MCM6: variants seen among roughly 807,000 people sequenced by gnomAD.
MCM6 encodes DNA replication licensing factor MCM6.
In MCM6, 46 loss-of-function variants were observed where a neutral mutation model predicts 94.3. The ratio of observed to expected loss-of-function variants is 0.49; its 90% CI spans 0.39 to 0.62. MCM6 has a LOEUF of 0.62. MCM6 is among the 20% of genes least tolerant of loss of function. The pLI, the probability that MCM6 is intolerant of heterozygous loss-of-function variation, is 0.00. For synonymous variants in MCM6, 335 were observed against 351.9 expected (o/e 0.95, Z 0.54); for missense variants, 865 against 1,017.9 (o/e 0.85, Z 2.04).
At position 135,862,381 on chromosome 2, in the gene MCM6, T is replaced by C. The variant is rs538174355; in HGVS notation, c.1220+226A>G. Among the ~76,000 whole-genome samples, 4 of 151,882 alleles carry C rather than the reference T, an allele frequency of 2.6e-5. No homozygotes were observed. In the East Asian group the frequency reaches 7.7e-4, roughly 29 times the overall value. On this transcript the variant is annotated intron_variant, in intron 8 of 16. Coordinates refer to ENST00000264156, the MANE Select transcript of MCM6 (RefSeq NM_005915.6). ...ACAAATATATTTTACAAAGATATTATACAAAGACTAAACAGTTCAATGTGA... is the reference window on the plus strand; with the variant it reads ...ACAAATATATTTTACAAAGATATTACACAAAGACTAAACAGTTCAATGTGA...
At chr2:135,845,619 C>T (rs1399992327) in intron 15 of MCM6, among the ~76,000 whole-genome samples, 1 of 152,184 alleles carries the variant, frequency 6.6e-6, no homozygotes, top group Non-Finnish European at 1.5e-5. Flanking sequence ...GGCTTTTAAT[C>T]AAGAATTATC....
intron 11 of MCM6, among the ~76,000 whole-genome samples, chr2:135,855,138 AGAGT>A (rs1679848921): frequency 6.6e-6 from 1 of 152,232 alleles, no homozygotes; most frequent in African/African-American, 2.4e-5. Context: ...TCTGGGCAAC[AGAGT>A]GAGACTCCGT....
chr2:135,865,365 A>G (rs1680072312), intron 6 of MCM6, among the ~76,000 whole-genome samples: 1 of 152,246 alleles, frequency 6.6e-6, no homozygotes, highest in African/African-American at 2.4e-5. Context: ...TCATTTGTCC[A>G]GTGAGTTAAA....
chr2:135,851,538 A>G lies in MCM6; in HGVS notation c.1781T>C (p.Ile594Thr). Reference sequence around the variant, plus strand: ...GCGGAGATGTTTATATTGCTCCACAATGAAGTCCTCTGACTCTTTGGAAAT... The same window carrying G: ...GCGGAGATGTTTATATTGCTCCACAGTGAAGTCCTCTGACTCTTTGGAAAT... ...PKISKESEDFIVEQYKHLRQR... is the reference protein window; with the variant it reads ...PKISKESEDFTVEQYKHLRQR... Residue 594 changes from isoleucine (I) to threonine (T), a missense_variant, in exon 13 of 17, where the codon ATT becomes ACT. Ile to Thr is a moderately conservative substitution (Grantham distance 89, BLOSUM62 -1). Coordinates refer to ENST00000264156, the MANE Select transcript of MCM6 (RefSeq NM_005915.6). The G allele has an allele frequency of 1.2e-6, 2 of 1,610,666 alleles. No individual in the cohort carries two copies. The highest frequency in any genetic ancestry group is 1.7e-6 in the Non-Finnish European group (2 of 1,178,744).
At chr2:135,842,562 C>T (rs1327661462) in intron 16 of MCM6, among the ~76,000 whole-genome samples, 1 of 152,164 alleles carries the variant, frequency 6.6e-6, no homozygotes, top group Non-Finnish European at 1.5e-5. Flanking sequence ...GACAAACTAA[C>T]CACTTAAATA....
intron 14 of MCM6, 87 bp from the exon 15 acceptor site, chr2:135,846,479 A>T: frequency 9.7e-7 from 1 of 1,030,206 alleles, no homozygotes; most frequent in Non-Finnish European, 1.5e-6. Context: ...ACTTACATTT[A>T]ATACTGATTT....
At chr2:135,865,883 T>C (rs1337575067) in intron 6 of MCM6, among the ~76,000 whole-genome samples, 1 of 152,156 alleles carries the variant, frequency 6.6e-6, no homozygotes, top group Non-Finnish European at 1.5e-5. Flanking sequence ...AAGCTGTCAC[T>C]CTACTAAGAC....
rs772793168 is a variant in MCM6 at position 135,851,398 on chromosome 2, A to C, written c.1917+4T>G. 1.2e-6 allele frequency: 2 copies of C among 1,610,324 alleles called. No homozygotes were observed. Among genetic ancestry groups the C allele is most frequent in the Non-Finnish European group, 1.7e-6 (2 of 1,177,562 alleles). ...CTCTCATCATATCAAAGTGACTCTG[A>C]TACCTCATCACAGCAGTGCATCCGA... On this transcript the variant is annotated splice_donor_region_variant and intron_variant, in intron 13 of 16. Coordinates refer to ENST00000264156, the MANE Select transcript of MCM6 (RefSeq NM_005915.6).
chr2:135,845,937 T>A (rs986513387), intron 15 of MCM6, among the ~76,000 whole-genome samples: 45 of 152,226 alleles, frequency 3.0e-4, no homozygotes, highest in African/African-American at 1.0e-3. Context: ...TAATTTTGCA[T>A]TTGTAAAAAC....
chr2:135,866,809 A>C, intron 4 of MCM6, 81 bp from the exon 5 acceptor site: 2 of 1,171,446 alleles, frequency 1.7e-6, no homozygotes, highest in Non-Finnish European at 2.4e-6. Context: ...AATACCACAA[A>C]TACGGACGTA....
chr2:135,874,212 T>A (rs1182042954), intron 1 of MCM6, among the ~76,000 whole-genome samples: 2 of 152,188 alleles, frequency 1.3e-5, no homozygotes, highest in Non-Finnish European at 2.9e-5. Context: ...AAAACCTTTG[T>A]AATGTGATGT....
In MCM6 at chr2:135,846,297, A is replaced by C. The variant is rs1049500876; in HGVS notation, c.2149T>G (p.Phe717Val). Residue 717 changes from phenylalanine to valine, a missense_variant, in exon 15 of 17, where the codon TTC (phenylalanine) becomes GTC (valine). Coordinates refer to ENST00000264156, the MANE Select transcript of MCM6 (RefSeq NM_005915.6). ...TTAGAGATTCGGCAGTACTCAGAGA[A>C]GCCCAGCCTTAAGGAGGCTTTGGGA... ...SAPKASLRLG[F>V]SEYCRISNLI... 1 of 1,614,166 alleles carries C rather than the reference A, an allele frequency of 6.2e-7. No individual in the cohort carries two copies. The highest frequency in any genetic ancestry group is 8.5e-7 in the Non-Finnish European group (1 of 1,180,020).
chr2:135,861,941 A>T (rs929453838), intron 8 of MCM6, among the ~76,000 whole-genome samples: 1 of 152,166 alleles, frequency 6.6e-6, no homozygotes, highest in Non-Finnish European at 1.5e-5. Flanking sequence ...AAAACCTTAC[A>T]AATGTTTGTA....
chr2:135,866,245 CACT>C lies in MCM6; in HGVS notation c.811_813del (p.Ser271del), dbSNP rs774158529. 6.2e-7 allele frequency: 1 copy of C among 1,614,168 alleles called. No individual in the cohort carries two copies. Among genetic ancestry groups the C allele is most frequent in the Non-Finnish European group, 8.5e-7 (1 of 1,179,994 alleles). On this transcript the variant is annotated inframe_deletion, in exon 6 of 17. Transcript: ENST00000264156. Reference sequence around the variant, plus strand: ...CCTTCTGTCTCATATCCATCAACACCACTGACACGGGAATTAGTTTCTGCACGT... The same window carrying C: ...CCTTCTGTCTCATATCCATCAACACCGACACGGGAATTAGTTTCTGCACGT...
intron 11 of MCM6, 44 bp from the exon 12 acceptor site, chr2:135,852,959 C>T: frequency 6.5e-7 from 1 of 1,526,748 alleles, no homozygotes; most frequent in Non-Finnish European, 8.8e-7. Flanking sequence ...ACAGCAATAT[C>T]TTCTCCAGAC....
chr2:135,851,498 A>G lies in MCM6; in HGVS notation c.1821T>C (p.Ser607=). Residue 607 remains serine, a synonymous_variant, in exon 13 of 17, where the codon TCT becomes TCC. Transcript: ENST00000264156. ...TCCTCCATGAAGACTTGGTCACTCCAGAACCATCTCTCTGGCGGAGATGTT... is the reference window on the plus strand; with the variant it reads ...TCCTCCATGAAGACTTGGTCACTCCGGAACCATCTCTCTGGCGGAGATGTT... ...QYKHLRQRDG[S]GVTKSSWRIT... 1 of 1,613,750 alleles carries G rather than the reference A, an allele frequency of 6.2e-7. No individual in the cohort carries two copies. The highest frequency in any genetic ancestry group is 1.1e-5 in the South Asian group (1 of 90,972).
At chr2:135,859,535 A>T in intron 8 of MCM6, 93 bp from the exon 9 acceptor site, 1 of 804,532 alleles carries the variant, frequency 1.2e-6, no homozygotes, top group Non-Finnish European at 1.9e-6. Context: ...TTACTGAAAG[A>T]ACATTTGAGA....
chr2:135,856,319 T>C (rs764036288), intron 11 of MCM6, among the ~76,000 whole-genome samples: 62 of 152,180 alleles, frequency 4.1e-4, no homozygotes, highest in Non-Finnish European at 8.1e-4. Flanking sequence ...GTTACATGCC[T>C]GTAATCCCAG....
intron 10 of MCM6, 150 bp downstream of exon 10, chr2:135,857,747 C>T: frequency 3.3e-6 from 2 of 606,596 alleles, no homozygotes; most frequent in African/African-American, 1.9e-5. Context: ...TTTATAGTTT[C>T]AATAAATAAT....
Sources: gnomAD v4.1 joint callset for allele counts (sites outside exome capture counted in the v4.1 genomes callset) on GRCh38, gnomAD v4.1.1 for gene constraint, MANE v1.5 for transcripts, NCBI Gene and HGNC (gene_info 2026-07-23, HGNC 2026-07-21) for gene names.